Variants in NRG3 observed in about 807,000 individuals in gnomAD.
NRG3 encodes the protein neuregulin 3, also known as pro-neuregulin-3, membrane-bound isoform.
A neutral mutation model predicts 66.9 loss-of-function variants in NRG3; 31 were observed. The observed-to-expected ratio is 0.46, with a 90% confidence interval of 0.35 to 0.63. The LOEUF is 0.63. NRG3 is among the 20% of genes least tolerant of loss of function. NRG3 has a pLI of 0.00. For missense variants in NRG3, 910 were observed against 878.9 expected, an observed-to-expected ratio of 1.04 and a Z score of -0.45; for synonymous variants, 393 against 359.4, an observed-to-expected ratio of 1.09 and a Z score of -1.06.
chr10:82,549,038 A>C (rs1399853419), intron 2 of NRG3, among the ~76,000 whole-genome samples: 2 of 152,196 alleles, frequency 1.3e-5, no homozygotes, highest in African/African-American at 2.4e-5. Flanking sequence ...ACTGGAACTG[A>C]CTTTGGAGTC....
At chr10:82,575,102 G>C (rs2133155383) in intron 2 of NRG3, among the ~76,000 whole-genome samples, 1 of 151,604 alleles carries the variant, frequency 6.6e-6, no homozygotes. Context: ...AAGTATGAGA[G>C]GTAATACATA....
At chr10:81,990,431 C>T (rs1164113121) in intron 1 of NRG3, among the ~76,000 whole-genome samples, 1 of 152,026 alleles carries the variant, frequency 6.6e-6, no homozygotes, top group Non-Finnish European at 1.5e-5. Flanking sequence ...TTTCATTGTT[C>T]TTTAGATTAC....
Position 82,429,673 on chromosome 10 carries a change from T to A in NRG3, c.953+70805T>A, listed in dbSNP as rs549594598. Among the ~76,000 whole-genome samples, 8 of 152,298 alleles carry A rather than the reference T, an allele frequency of 5.3e-5. No homozygotes were observed. In the South Asian group the frequency reaches 1.7e-3, roughly 32 times the overall value. On this transcript the variant is annotated intron_variant, in intron 2 of 8. Coordinates refer to ENST00000372141, the MANE Select transcript of NRG3 (RefSeq NM_001010848.4). The stretch of plus-strand genomic sequence containing the variant: ...AGATTAGAATTTTTCATCCAATTTT[T>A]AAATTTTCAGTTGAAATTCTTTAAA...
chr10:82,392,318 A>G (rs1274150319), intron 2 of NRG3, among the ~76,000 whole-genome samples: 1 of 152,184 alleles, frequency 6.6e-6, no homozygotes, highest in African/African-American at 2.4e-5. Context: ...CTCTACAATT[A>G]GCATATTTTT....
At chr10:82,362,281 G>T (rs1328064914) in intron 2 of NRG3, among the ~76,000 whole-genome samples, 1 of 147,664 alleles carries the variant, frequency 6.8e-6, no homozygotes, top group Non-Finnish European at 1.5e-5. Context: ...TAAAGAACAA[G>T]AAATAGAGAA....
intron 1 of NRG3, among the ~76,000 whole-genome samples, chr10:82,231,280 G>A (rs1589403474): frequency 6.6e-6 from 1 of 152,196 alleles, no homozygotes; most frequent in East Asian, 1.9e-4. Context: ...GAAGGTTCAA[G>A]TGAGGTTGCA....
chr10:82,444,749 C>T (rs1339591070), intron 2 of NRG3, among the ~76,000 whole-genome samples: 1 of 152,066 alleles, frequency 6.6e-6, no homozygotes, highest in African/African-American at 2.4e-5. Flanking sequence ...ATGAGAAGCC[C>T]ATAAAAAACA....
intron 4 of NRG3, among the ~76,000 whole-genome samples, chr10:82,911,147 A>G (rs970659871): frequency 3.3e-5 from 5 of 152,222 alleles, no homozygotes; most frequent in Non-Finnish European, 5.9e-5. Flanking sequence ...GAGAAATCAA[A>G]GAATATTAAG....
intron 1 of NRG3, among the ~76,000 whole-genome samples, chr10:82,260,290 A>G (rs2077957595): frequency 6.6e-6 from 1 of 152,198 alleles, no homozygotes; most frequent in Non-Finnish European, 1.5e-5. Context: ...CAAATAACAC[A>G]TGGGAGACGT....
At chr10:82,409,536 C>T (rs1001432537) in intron 2 of NRG3, among the ~76,000 whole-genome samples, 3 of 152,150 alleles carry the variant, frequency 2.0e-5, no homozygotes, top group South Asian at 2.1e-4. Context: ...TCATGAAGGA[C>T]GTGGGATAAA....
intron 2 of NRG3, among the ~76,000 whole-genome samples, chr10:82,446,246 C>T (rs7909484): frequency 0.41 from 62,055 of 152,106 alleles, 17,247 homozygotes; most frequent in African/African-American, 0.79. Flanking sequence ...AAACTGTGGA[C>T]TTTAAACTCA....
At chr10:82,466,377 C>A (rs1200701551) in intron 2 of NRG3, among the ~76,000 whole-genome samples, 1 of 152,132 alleles carries the variant, frequency 6.6e-6, no homozygotes, top group Non-Finnish European at 1.5e-5. Context: ...GCCCTAACCC[C>A]CTTCTTTGGC....
chr10:82,582,633 T>G (rs549026876), intron 2 of NRG3, among the ~76,000 whole-genome samples: 9 of 151,558 alleles, frequency 5.9e-5, no homozygotes, highest in Non-Finnish European at 1.3e-4. Flanking sequence ...CAAAAAAGAA[T>G]GCAGAAGAGG....
At chr10:82,218,860 G>A (rs542912557) in intron 1 of NRG3, among the ~76,000 whole-genome samples, 3 of 152,132 alleles carry the variant, frequency 2.0e-5, no homozygotes, top group Non-Finnish European at 2.9e-5. Context: ...GAAATGGAGA[G>A]TTAGACGAAG....
At chr10:81,894,231 C>T (rs1843304544) in intron 1 of NRG3, among the ~76,000 whole-genome samples, 1 of 152,092 alleles carries the variant, frequency 6.6e-6, no homozygotes, top group Non-Finnish European at 1.5e-5. Context: ...GTCCCAGCTC[C>T]TCATGAGACT....
At chr10:82,561,120 A>G (rs1412321025) in intron 2 of NRG3, among the ~76,000 whole-genome samples, 3 of 152,208 alleles carry the variant, frequency 2.0e-5, no homozygotes, top group Non-Finnish European at 4.4e-5. Flanking sequence ...TATAGTCTGT[A>G]AAATTTTAAT....
chr10:82,922,096 C>G (rs531053408), intron 4 of NRG3, among the ~76,000 whole-genome samples: 1 of 152,042 alleles, frequency 6.6e-6, no homozygotes, highest in African/African-American at 2.4e-5. Flanking sequence ...TCCACCCCCA[C>G]CACCCGCCAC....
chr10:82,046,139 A>G (rs2063282904), intron 1 of NRG3, among the ~76,000 whole-genome samples: 1 of 147,554 alleles, frequency 6.8e-6, no homozygotes, highest in African/African-American at 2.5e-5. Flanking sequence ...ATGGCATTGA[A>G]TCTATAAATT....
chr10:82,661,458 G>GTATA (rs35788053), intron 2 of NRG3, among the ~76,000 whole-genome samples: 2 of 151,536 alleles, frequency 1.3e-5, no homozygotes, highest in African/African-American at 2.4e-5. Context: ...ACACAAATAT[G>GTATA]TATATATATA....
Sources: allele counts gnomAD v4.1 joint callset (sites outside exome capture counted in the v4.1 genomes callset), GRCh38; gene constraint gnomAD v4.1.1; transcripts MANE v1.5; gene names NCBI Gene and HGNC (gene_info 2026-07-23, HGNC 2026-07-21).